Variants in GALNT18 observed in about 807,000 individuals in gnomAD.
GALNT18 encodes the protein GalNAc-transferase 18.
Under a neutral mutation model 69.5 loss-of-function variants are expected in GALNT18, and 44 were observed. The ratio of observed to expected loss-of-function variants is 0.63; its 90% CI spans 0.50 to 0.81. The LOEUF (loss-of-function observed/expected upper bound fraction) is 0.81, where lower values mean the gene tolerates loss of function less well. Among genes scored for constraint, GALNT18 ranks in the 40% least tolerant of loss-of-function variants. The pLI, the probability that GALNT18 is intolerant of heterozygous loss-of-function variation, is 0.00. For synonymous variants in GALNT18, 364 were observed against 318.2 expected, an observed-to-expected ratio of 1.14 and a Z score of -1.53; for missense variants, 715 against 810.0, an observed-to-expected ratio of 0.88 and a Z score of 1.42.
chr11:11,445,018 C>T (rs1442123185), intron 2 of GALNT18, among the ~76,000 whole-genome samples: 1 of 152,236 alleles, frequency 6.6e-6, no homozygotes, highest in Non-Finnish European at 1.5e-5. Context: ...GCCTTGGCAA[C>T]AAGCCTTGGT....
rs1324105409 is a variant in GALNT18, at chr11:11,606,540, G to A, written c.235+14819C>T. Among the ~76,000 whole-genome samples, 1 of 152,064 alleles carries A rather than the reference G, an allele frequency of 6.6e-6. No individual in the cohort carries two copies. Among genetic ancestry groups the A allele is most frequent in the Non-Finnish European group, 1.5e-5 (1 of 68,028 alleles). ...TCCGAATCATCACTCTGGTTTGAGGGGCTGAGAAGAAGCTCTGTTCCCAGA... is the reference window on the plus strand; with the variant it reads ...TCCGAATCATCACTCTGGTTTGAGGAGCTGAGAAGAAGCTCTGTTCCCAGA... On this transcript the variant is annotated intron_variant, in intron 1 of 10. Coordinates refer to ENST00000227756, the MANE Select transcript of GALNT18 (RefSeq NM_198516.3). This position sits in a 1 kb window ranked among gnomAD's most constrained non-coding sequence, Gnocchi z 5.4.
At chr11:11,416,748 T>A (rs758942176) in intron 3 of GALNT18, among the ~76,000 whole-genome samples, 10 of 151,918 alleles carry the variant, frequency 6.6e-5, no homozygotes, top group African/African-American at 2.2e-4. Flanking sequence ...TCCCCCAGGG[T>A]AGCAGGTCAC....
intron 1 of GALNT18, among the ~76,000 whole-genome samples, chr11:11,578,643 C>T (rs1275631961): frequency 5.3e-5 from 8 of 152,210 alleles, no homozygotes; most frequent in Non-Finnish European, 1.0e-4. Flanking sequence ...TAAGAGACCC[C>T]ACCTCCCGGG....
intron 3 of GALNT18, among the ~76,000 whole-genome samples, chr11:11,419,119 G>A (rs928637826): frequency 1.3e-5 from 2 of 152,170 alleles, no homozygotes; most frequent in Non-Finnish European, 2.9e-5. Context: ...CGCAGGCCAT[G>A]CCCTCTTTGG....
intron 1 of GALNT18, among the ~76,000 whole-genome samples, chr11:11,608,226 C>G (rs1363977184): frequency 6.6e-6 from 1 of 152,134 alleles, no homozygotes; most frequent in African/African-American, 2.4e-5. Flanking sequence ...AAATATATTC[C>G]TGACCGTATT....
chr11:11,381,098 T>C (rs72856628), intron 3 of GALNT18, among the ~76,000 whole-genome samples: 58,673 of 152,072 alleles, frequency 0.39, 11,944 homozygotes, highest in Middle Eastern at 0.46. Context: ...GGGAGGTCAC[T>C]GTCCCACAAA....
At chr11:11,530,015 A>T (rs752015817) in intron 1 of GALNT18, among the ~76,000 whole-genome samples, 32 of 152,198 alleles carry the variant, frequency 2.1e-4, no homozygotes, top group Admixed American at 8.5e-4. Context: ...TGTCACAGAC[A>T]TACTGACATC....
chr11:11,612,973 G>C (rs1328723097), intron 1 of GALNT18, among the ~76,000 whole-genome samples: 1 of 152,188 alleles, frequency 6.6e-6, no homozygotes, highest in East Asian at 1.9e-4. Flanking sequence ...CATAAGGGAA[G>C]CCACTGAATG....
At chr11:11,348,856 C>T (rs148356417) in intron 6 of GALNT18, among the ~76,000 whole-genome samples, 10 of 152,296 alleles carry the variant, frequency 6.6e-5, no homozygotes, top group African/African-American at 2.4e-4. Flanking sequence ...CCTGTAAGTC[C>T]TCTTGCACAG....
At chr11:11,556,358 A>C (rs1283847761) in intron 1 of GALNT18, among the ~76,000 whole-genome samples, 5 of 152,210 alleles carry the variant, frequency 3.3e-5, no homozygotes, top group African/African-American at 1.2e-4. Flanking sequence ...CAGTAGCGTG[A>C]AGTGCCACGT....
chr11:11,331,071 G>A (rs1850010037), intron 8 of GALNT18, among the ~76,000 whole-genome samples: 1 of 152,240 alleles, frequency 6.6e-6, no homozygotes, highest in South Asian at 2.1e-4. Flanking sequence ...GGAGTGTGGG[G>A]CATCAAAGGC....
intron 10 of GALNT18, among the ~76,000 whole-genome samples, chr11:11,289,870 G>A (rs1275049405): frequency 6.6e-6 from 1 of 152,198 alleles, no homozygotes; most frequent in Non-Finnish European, 1.5e-5. Context: ...CATATTGGAG[G>A]TGGGCTTGCT....
intron 1 of GALNT18, among the ~76,000 whole-genome samples, chr11:11,498,859 T>A (rs1856919918): frequency 6.6e-6 from 1 of 152,328 alleles, no homozygotes; most frequent in East Asian, 1.9e-4. Context: ...ATGGTAGCAA[T>A]GTAATTGTAG....
At chr11:11,353,045 A>G (rs751405463) in intron 6 of GALNT18, 1 of 1,614,030 alleles carries the variant, frequency 6.2e-7, no homozygotes, top group Admixed American at 1.7e-5. Flanking sequence ...GTGACTCGTA[A>G]TCCCAGTATT....
intron 3 of GALNT18, among the ~76,000 whole-genome samples, chr11:11,400,563 A>G (rs754230023): frequency 1.2e-4 from 18 of 152,182 alleles, no homozygotes; most frequent in Non-Finnish European, 1.3e-4. Context: ...TATTTCTCAC[A>G]GTTCTGAAGG....
At chr11:11,517,520 C>T (rs985166416) in intron 1 of GALNT18, among the ~76,000 whole-genome samples, 2 of 152,224 alleles carry the variant, frequency 1.3e-5, no homozygotes, top group Non-Finnish European at 2.9e-5. Context: ...AATTGAAATG[C>T]ATATTTGTGG....
chr11:11,504,494 T>A (rs1411898217), intron 1 of GALNT18, among the ~76,000 whole-genome samples: 1 of 151,764 alleles, frequency 6.6e-6, no homozygotes, highest in African/African-American at 2.4e-5. Context: ...TGATGGCTCA[T>A]GTGTGTAATC....
rs540770291 is a variant in GALNT18 at position 11,564,870 on chromosome 11, G to T, written c.235+56489C>A. On this transcript the variant is annotated intron_variant, in intron 1 of 10. Transcript: ENST00000227756. The surrounding 1 kb of genome is among the most constrained non-coding windows in gnomAD (Gnocchi z 4.3). ...AAGTGTTCATAAGTGGCCTGTGTCT[G>T]CTCGATACCATAGTGAACAGAATAG... Among the ~76,000 whole-genome samples the T allele has an allele frequency of 7.2e-5, 11 of 152,336 alleles. No homozygotes were observed. Among genetic ancestry groups the T allele is most frequent in the African/African-American group, 2.6e-4 (11 of 41,572 alleles).
rs1250588008 is a variant in GALNT18, at chr11:11,564,027, T to G, written c.235+57332A>C. Among the ~76,000 whole-genome samples the G allele has an allele frequency of 6.6e-6, 1 of 152,166 alleles. No homozygotes were observed. The highest frequency in any genetic ancestry group is 1.5e-5 in the Non-Finnish European group (1 of 68,032). On this transcript the variant is annotated intron_variant, in intron 1 of 10. Coordinates refer to ENST00000227756, the MANE Select transcript of GALNT18 (RefSeq NM_198516.3). The surrounding 1 kb of genome is among the most constrained non-coding windows in gnomAD (Gnocchi z 4.3). ...CCAGCAACGATCAACTAGATGCTGATTACTAGTGAGGCACCATGCTAAATG... is the reference window on the plus strand; with the variant it reads ...CCAGCAACGATCAACTAGATGCTGAGTACTAGTGAGGCACCATGCTAAATG...
Sources: allele counts gnomAD v4.1 joint callset (sites outside exome capture counted in the v4.1 genomes callset), GRCh38; gene constraint gnomAD v4.1.1; non-coding constraint Gnocchi (gnomAD v3.1); transcripts MANE v1.5; gene names NCBI Gene and HGNC (gene_info 2026-07-23, HGNC 2026-07-21).